Variants in RGS3 observed in about 807,000 individuals in gnomAD.
The protein encoded by RGS3 is regulator of G protein signaling 3.
Under a neutral mutation model 132.6 loss-of-function variants are expected in RGS3, and 80 were observed. The observed-to-expected ratio is 0.60, with a 90% CI of 0.50 to 0.73. The LOEUF (loss-of-function observed/expected upper bound fraction) is 0.73, where lower values mean the gene tolerates loss of function less well. RGS3 is among the 30% of genes least tolerant of loss of function. The pLI is 0.00. For synonymous variants in RGS3, 598 were observed against 620.6 expected, an observed-to-expected ratio of 0.96 and a Z score of 0.54; for missense variants, 1,382 against 1,530.8, an observed-to-expected ratio of 0.90 and a Z score of 1.62.
At chr9:113,497,137 G>T (rs765578838) in intron 8 of RGS3, among the ~76,000 whole-genome samples, 177 bp from the exon 7 acceptor site, 10 of 152,196 alleles carry the variant, frequency 6.6e-5, no homozygotes, top group Non-Finnish European at 1.0e-4. Context: ...TCTGCCCTGA[G>T]CATCACGGAA....
chr9:113,548,300 G>A (rs887477001), intron 19 of RGS3, among the ~76,000 whole-genome samples: 1 of 152,194 alleles, frequency 6.6e-6, no homozygotes, highest in African/African-American at 2.4e-5. Context: ...CACTGTGTTG[G>A]CCTTGGGAAA....
At chr9:113,573,437 T>C (rs1202950753) in intron 19 of RGS3, among the ~76,000 whole-genome samples, 2 of 152,140 alleles carry the variant, frequency 1.3e-5, no homozygotes, top group African/African-American at 4.8e-5. Context: ...ATATGCCCCG[T>C]AGCAGCCGTG....
chr9:113,498,231 G>T, intron 10 of RGS3, 151 bp downstream of exon 8: 1 of 674,108 alleles, frequency 1.5e-6, no homozygotes, highest in South Asian at 1.9e-5. Flanking sequence ...ATTTTCCTGA[G>T]GTGTATTACA....
intron 17 of RGS3, among the ~76,000 whole-genome samples, chr9:113,525,803 A>G (rs1371537784): frequency 1.3e-5 from 2 of 152,196 alleles, no homozygotes; most frequent in African/African-American, 2.4e-5. Context: ...AGCCTGGGGC[A>G]TGGAACACTG....
In RGS3 at chr9:113,596,524, T is replaced by G. The variant is rs144586659; in HGVS notation, c.3412-244T>G. On this transcript the variant is annotated intron_variant, in intron 24 of 24. Coordinates refer to ENST00000350696, the Ensembl canonical transcript of RGS3. ...ACCCAGGTGTGGCACTGCTAGGATT[T>G]GAACCCAGGAAGCCTAACCCTCAGG... is the stretch of plus-strand genomic sequence containing the variant. Among the ~76,000 whole-genome samples the G allele has an allele frequency of 5.7e-3, 869 of 152,336 alleles. 16 individuals are homozygous for G. The highest frequency in any genetic ancestry group is 0.019 in the African/African-American group (796 of 41,566).
At chr9:113,482,368 C>T (rs542111467) in intron 4 of RGS3, among the ~76,000 whole-genome samples, 1 of 152,338 alleles carries the variant, frequency 6.6e-6, no homozygotes, top group Non-Finnish European at 1.5e-5. Context: ...ATCACTAAAC[C>T]ATTAAAAATG....
At chr9:113,517,748 C>T in intron 16 of RGS3, 124 bp downstream of exon 14, 5 of 675,690 alleles carry the variant, frequency 7.4e-6, no homozygotes, top group South Asian at 6.0e-5. Flanking sequence ...GTAGGGGAGA[C>T]CTGAGAAGGA....
upstream of RGS3, chr9:113,460,103 G>T: frequency 2.2e-6 from 1 of 457,552 alleles, no homozygotes; most frequent in Non-Finnish European, 3.1e-6. Context: ...GCTTATTTCT[G>T]GTTTTCTGTA....
At chr9:113,501,294 C>T (rs1016891910) in intron 10 of RGS3, 2 of 734,548 alleles carry the variant, frequency 2.7e-6, no homozygotes, top group African/African-American at 1.8e-5. Context: ...AAGGCGCCCT[C>T]TCCCCGCCGG....
At chr9:113,576,537 G>A (rs889961548) in intron 19 of RGS3, among the ~76,000 whole-genome samples, 2 of 152,058 alleles carry the variant, frequency 1.3e-5, no homozygotes, top group Admixed American at 6.5e-5. Flanking sequence ...TCACCATGTT[G>A]GCCAGTATGG....
intron 19 of RGS3, chr9:113,564,909 G>T (rs533096340): frequency 5.0e-6 from 5 of 994,920 alleles, no homozygotes; most frequent in African/African-American, 1.7e-5. Flanking sequence ...GCGTCGGGGT[G>T]GGGGTGTGAC....
At chr9:113,459,542 G>C (rs981416669), upstream of RGS3, among the ~76,000 whole-genome samples, 7 of 152,136 alleles carry the variant, frequency 4.6e-5, no homozygotes, top group Admixed American at 3.3e-4. Flanking sequence ...TTGAGGTCAG[G>C]AGTTCGAAAC....
intron 17 of RGS3, among the ~76,000 whole-genome samples, chr9:113,527,617 A>AT (rs1832271528): frequency 6.6e-6 from 1 of 152,028 alleles, no homozygotes; most frequent in South Asian, 2.1e-4. Flanking sequence ...CATAAGGGAG[A>AT]TTTTTTAATC....
chr9:113,522,722 A>C (rs1331407757), intron 16 of RGS3: 2 of 575,758 alleles, frequency 3.5e-6, no homozygotes, highest in African/African-American at 3.7e-5. Flanking sequence ...GAAGTATAGG[A>C]AGCTGGAGGG....
At chr9:113,504,828 C>G (rs1053364877) in intron 10 of RGS3, among the ~76,000 whole-genome samples, 13 of 152,260 alleles carry the variant, frequency 8.5e-5, no homozygotes, top group African/African-American at 3.1e-4. Context: ...GCCAGGAAGC[C>G]TATCTGTGAC....
chr9:113,562,349 C>G (rs571890536), intron 19 of RGS3, among the ~76,000 whole-genome samples: 1 of 151,872 alleles, frequency 6.6e-6, no homozygotes, highest in Non-Finnish European at 1.5e-5. Flanking sequence ...TGGTGGCGCA[C>G]GCCTGTAGTC....
At chr9:113,465,869 C>G (rs1168426910) in intron 3 of RGS3, among the ~76,000 whole-genome samples, 1 of 152,176 alleles carries the variant, frequency 6.6e-6, no homozygotes, top group Non-Finnish European at 1.5e-5. Flanking sequence ...GAGAAATTCT[C>G]TCCTGTTTCC....
chr9:113,543,812 C>T (rs1231370667), intron 19 of RGS3, among the ~76,000 whole-genome samples: 4 of 152,198 alleles, frequency 2.6e-5, no homozygotes, highest in Non-Finnish European at 5.9e-5. Context: ...GCTGCTGAGT[C>T]GAGCAGATGC....
intron 19 of RGS3, chr9:113,582,086 C>G: frequency 1.0e-6 from 1 of 985,472 alleles, no homozygotes; most frequent in Non-Finnish European, 1.2e-6. Flanking sequence ...CAGCGTGACC[C>G]CTGACACGTG....
Sources: allele counts gnomAD v4.1 joint callset (sites outside exome capture counted in the v4.1 genomes callset), GRCh38; gene constraint gnomAD v4.1.1; transcripts MANE v1.5; gene names NCBI Gene and HGNC (gene_info 2026-07-23, HGNC 2026-07-21).